The following LHFPL3 variants were observed in gnomAD, a reference collection of about 807,000 sequenced individuals.
LHFPL3 encodes LHFPL tetraspan subfamily member 3 protein.
In LHFPL3, 5 loss-of-function variants were observed where a neutral mutation model predicts 19.3. The ratio of observed to expected loss-of-function variants is 0.26; its 90% CI spans 0.14 to 0.54. LHFPL3 has a LOEUF of 0.54. Ranked by LOEUF, LHFPL3 falls within the 20% of genes least tolerant of loss-of-function variation. The pLI, the probability that LHFPL3 is intolerant of heterozygous loss-of-function variation, is 0.94. For synonymous variants in LHFPL3, 133 were observed against 126.2 expected, an observed-to-expected ratio of 1.05 and a Z score of -0.36; for missense variants, 249 against 307.4, an observed-to-expected ratio of 0.81 and a Z score of 1.42.
chr7:104,603,088 TTC>T (rs1272620604), intron 1 of LHFPL3, among the ~76,000 whole-genome samples: 5 of 126,970 alleles, frequency 3.9e-5, no homozygotes, highest in East Asian at 2.4e-4. Flanking sequence ...CTTTCTTTCT[TTC>T]TTTCTTTCTT....
chr7:104,400,288 T>C (rs1037818376), intron 1 of LHFPL3, among the ~76,000 whole-genome samples: 3 of 152,214 alleles, frequency 2.0e-5, no homozygotes, highest in African/African-American at 4.8e-5. Flanking sequence ...AAAAAATGTC[T>C]GAACCTGCTA....
intron 2 of LHFPL3, chr7:104,845,430 G>GT: frequency 6.5e-7 from 1 of 1,536,046 alleles, no homozygotes; most frequent in Non-Finnish European, 8.7e-7. Flanking sequence ...ACCACACCAT[G>GT]TAAGTGTGAG....
At chr7:104,798,884 T>C (rs1790187433) in intron 2 of LHFPL3, among the ~76,000 whole-genome samples, 1 of 152,196 alleles carries the variant, frequency 6.6e-6, no homozygotes, top group Non-Finnish European at 1.5e-5. Context: ...GTGTATATCG[T>C]AAGGTTTTAC....
At chr7:104,715,884 C>T (rs1179361125) in intron 1 of LHFPL3, among the ~76,000 whole-genome samples, 2 of 152,098 alleles carry the variant, frequency 1.3e-5, no homozygotes, top group Non-Finnish European at 1.5e-5. Flanking sequence ...CTGGCTTTGG[C>T]GTCAGAGTAA....
At chr7:104,690,701 C>G (rs976247761) in intron 1 of LHFPL3, among the ~76,000 whole-genome samples, 1 of 152,292 alleles carries the variant, frequency 6.6e-6, no homozygotes, top group South Asian at 2.1e-4. Context: ...TTGGTCCCTC[C>G]TACAACCAAG....
intron 2 of LHFPL3, among the ~76,000 whole-genome samples, chr7:104,849,957 T>TGTGA (rs1265672848): frequency 2.0e-5 from 3 of 152,268 alleles, no homozygotes; most frequent in Non-Finnish European, 4.4e-5. Flanking sequence ...TTCTGGTTTC[T>TGTGA]GTGACCAGCC....
intron 1 of LHFPL3, among the ~76,000 whole-genome samples, chr7:104,381,062 T>C (rs1278288567): frequency 6.6e-6 from 1 of 152,168 alleles, no homozygotes; most frequent in East Asian, 1.9e-4. Context: ...ATAATCTATG[T>C]CGCAAAAGAC....
At chr7:104,599,252 C>T (rs1790920538) in intron 1 of LHFPL3, among the ~76,000 whole-genome samples, 1 of 152,184 alleles carries the variant, frequency 6.6e-6, no homozygotes, top group African/African-American at 2.4e-5. Context: ...TTTATAAACA[C>T]ATAAATATAG....
chr7:104,457,359 A>T (rs967553383), intron 1 of LHFPL3, among the ~76,000 whole-genome samples: 19 of 151,124 alleles, frequency 1.3e-4, no homozygotes, highest in African/African-American at 4.6e-4. Context: ...TATGAGTGAG[A>T]AAATACGGTG....
At chr7:104,419,595 A>G (rs185771753) in intron 1 of LHFPL3, among the ~76,000 whole-genome samples, 1 of 152,342 alleles carries the variant, frequency 6.6e-6, no homozygotes, top group Non-Finnish European at 1.5e-5. Flanking sequence ...CTGAGGAGGA[A>G]GATTATAAGT....
At chr7:104,692,280 C>A (rs962643293) in intron 1 of LHFPL3, among the ~76,000 whole-genome samples, 2 of 152,152 alleles carry the variant, frequency 1.3e-5, no homozygotes, top group Non-Finnish European at 2.9e-5. Context: ...AAGAAAAAAC[C>A]CATTTTTTGA....
At chr7:104,701,087 A>C (rs1028443867) in intron 1 of LHFPL3, among the ~76,000 whole-genome samples, 1 of 152,174 alleles carries the variant, frequency 6.6e-6, no homozygotes. Context: ...TGTCTTTACT[A>C]TGCCCTCTCG....
chr7:104,549,796 A>G (rs1297487178), intron 1 of LHFPL3, among the ~76,000 whole-genome samples: 2 of 152,168 alleles, frequency 1.3e-5, no homozygotes, highest in Admixed American at 6.5e-5. Flanking sequence ...TTGATGAGGG[A>G]CAGAGCCCCT....
chr7:104,719,399 T>A (rs1793446664), intron 1 of LHFPL3, among the ~76,000 whole-genome samples: 1 of 152,128 alleles, frequency 6.6e-6, no homozygotes, highest in Non-Finnish European at 1.5e-5. Flanking sequence ...AAAAGGGGGA[T>A]GAGTATTCTT....
intron 1 of LHFPL3, chr7:104,667,833 G>A (rs990928375): frequency 1.9e-5 from 31 of 1,610,750 alleles, no homozygotes; most frequent in Non-Finnish European, 2.5e-5. Flanking sequence ...GGGTACTGGT[G>A]GAGGAAGCAC....
intron 1 of LHFPL3, among the ~76,000 whole-genome samples, chr7:104,361,250 C>T (rs773465993): frequency 9.2e-5 from 14 of 152,178 alleles, no homozygotes; most frequent in Non-Finnish European, 1.5e-4. Flanking sequence ...CCTTTTAAGG[C>T]TGGTGGGAAA....
At chr7:104,517,869 G>T (rs1222314020) in intron 1 of LHFPL3, among the ~76,000 whole-genome samples, 1 of 152,042 alleles carries the variant, frequency 6.6e-6, no homozygotes, top group African/African-American at 2.4e-5. Context: ...CTTGTTACAG[G>T]GTGGGGACCT....
intron 2 of LHFPL3, among the ~76,000 whole-genome samples, chr7:104,885,214 T>TTG (rs1249771348): frequency 5.3e-5 from 8 of 152,194 alleles, no homozygotes; most frequent in Non-Finnish European, 7.4e-5. Flanking sequence ...AGTAGCCCCC[T>TTG]TGCCCCTCTT....
chr7:104,668,487 C>T lies in LHFPL3; in HGVS notation c.446-68188C>T, dbSNP rs1792404487. 4 of 1,612,844 alleles carry T rather than the reference C, an allele frequency of 2.5e-6. No homozygotes were observed. In the Admixed American group the frequency reaches 5.0e-5, roughly 20 times the overall value. On this transcript the variant is annotated intron_variant, in intron 1 of 2. Transcript: ENST00000424859. ...GGATGGCCCACGCCGGGATATGGATCGATATGGTGGCCGGGATCGCTATGA... is the reference window on the plus strand; with the variant it reads ...GGATGGCCCACGCCGGGATATGGATTGATATGGTGGCCGGGATCGCTATGA...
Sources: gnomAD v4.1 joint callset for allele counts (sites outside exome capture counted in the v4.1 genomes callset) on GRCh38, gnomAD v4.1.1 for gene constraint, MANE v1.5 for transcripts, NCBI Gene and HGNC (gene_info 2026-07-23, HGNC 2026-07-21) for gene names.